The following MAN2C1 variants were observed in gnomAD, a reference collection of about 807,000 sequenced individuals.
The protein encoded by MAN2C1 is mannosidase alpha class 2C member 1.
MAN2C1 carries 111 observed loss-of-function variants against 126.9 expected under a neutral mutation model. The ratio of observed to expected loss-of-function variants is 0.87; its 90% confidence interval spans 0.75 to 1.02. The LOEUF is 1.02. Ranked by LOEUF, MAN2C1 falls within the 50% of genes least tolerant of loss-of-function variation. MAN2C1 has a pLI of 0.00. For missense variants in MAN2C1, 1,363 were observed against 1,364.4 expected (o/e 1.00, Z 0.02); for synonymous variants, 567 against 561.5 (o/e 1.01, Z -0.14).
At position 75,368,502 on chromosome 15, in the gene MAN2C1, C is replaced by T. The variant is rs1351070289; in HGVS notation, c.82G>A (p.Asp28Asn). The change falls in exon 1 of 26, where the codon GAC (aspartate) becomes AAC (asparagine). Residue 28 changes from aspartate (D) to asparagine (N), a missense_variant. Around this residue, in one of 3 missense-constraint regions of MAN2C1, gnomAD observed 628 missense variants for 609.8 expected, o/e 1.03. Transcript: ENST00000267978. ...CCACACCTGCCGCGGAGGTTACAGT[C>T]GGTAAAGTAGAGCGGCGACACGAAC... ...EKFVSPLYFT[D>N]CNLRGRLFGA... is the part of the protein sequence containing the mutation. 6.4e-7 allele frequency: 1 copy of T among 1,554,928 alleles called. No individual in the cohort carries two copies. Among genetic ancestry groups the T allele is most frequent in the Non-Finnish European group, 8.7e-7 (1 of 1,149,658 alleles).
At chr15:75,358,673 C>T (rs779484977) in intron 19 of MAN2C1, 31 bp downstream of exon 19, 7 of 1,612,144 alleles carry the variant, frequency 4.3e-6, no homozygotes, top group South Asian at 1.1e-5. Flanking sequence ...CCCACCACCT[C>T]CACCATCCCC....
At chr15:75,357,899 G>C (rs559660770) in intron 21 of MAN2C1, 7 of 335,520 alleles carry the variant, frequency 2.1e-5, no homozygotes, top group Non-Finnish European at 3.5e-5. Flanking sequence ...GATTACAGGC[G>C]TGAGTCACCA....
intron 21 of MAN2C1, chr15:75,357,855 G>T (rs1053354940): frequency 3.8e-6 from 1 of 262,908 alleles, no homozygotes; most frequent in Non-Finnish European, 7.6e-6. Context: ...TCTTGACCTC[G>T]TGATCCACCC....
chr15:75,364,539 C>G lies in MAN2C1; in HGVS notation c.549G>C (p.Arg183=). 1 of 1,607,776 alleles carries G rather than the reference C, an allele frequency of 6.2e-7. No homozygotes were observed. The highest frequency in any genetic ancestry group is 8.5e-7 in the Non-Finnish European group (1 of 1,177,036). ...GATCCACCAGGAGCATGTGGACATCCCGGTGGAACACAGCTAGCTCAGCCC... is the reference window on the plus strand; with the variant it reads ...GATCCACCAGGAGCATGTGGACATCGCGGTGGAACACAGCTAGCTCAGCCC... ...LSRAELAVFH[R]DVHMLLVDLE... Residue 183 remains arginine, a synonymous_variant, in exon 5 of 26, where the codon CGG becomes CGC. Coordinates refer to ENST00000267978, the MANE Select transcript of MAN2C1 (RefSeq NM_006715.4).
intron 4 of MAN2C1, 27 bp downstream of exon 4, chr15:75,366,495 C>T (rs200287169): frequency 8.7e-6 from 14 of 1,607,476 alleles, no homozygotes; most frequent in Non-Finnish European, 1.1e-5. Context: ...CCTGACAGCA[C>T]TGGTCAACCA....
rs777291187 is a variant in MAN2C1, at chr15:75,366,506, G to C, written c.422+16C>G. ...CCTCCCTGACAGCACTGGTCAACCA[G>C]GGCACAGGGACTCACCTTCGGGGGT... On this transcript the variant is annotated intron_variant, in intron 4 of 25. Coordinates refer to ENST00000267978, the MANE Select transcript of MAN2C1 (RefSeq NM_006715.4). The C allele has an allele frequency of 5.6e-6, 9 of 1,611,972 alleles. No individual in the cohort carries two copies. The East Asian group carries it at 1.1e-4, about 20-fold the overall frequency.
chr15:75,356,367 C>T lies in MAN2C1; in HGVS notation c.2820G>A (p.Ala940=), dbSNP rs766358641. The T allele has an allele frequency of 2.4e-5, 39 of 1,611,504 alleles. No individual in the cohort carries two copies. The highest frequency in any genetic ancestry group is 2.9e-5 in the Non-Finnish European group (34 of 1,179,182). The change falls in exon 24 of 26, where the codon GCG becomes GCA. Residue 940 remains alanine (A), a synonymous_variant. Transcript: ENST00000267978. The surrounding 1 kb of genome is among the most constrained non-coding windows in gnomAD (Gnocchi z 5.8). ...PLLALPAPSP[A]PATSWSAFSV... ...AAAACGCACTCCAGGAGGTGGCGGG[C>T]GCTGGGCTGGGGGCTGGCAGAGCCA...
Position 75,367,524 on chromosome 15 carries a change from C to G in MAN2C1, c.338G>C (p.Gly113Ala), listed in dbSNP as rs760743381. 1 of 1,614,064 alleles carries G rather than the reference C, an allele frequency of 6.2e-7. No individual in the cohort carries two copies. The highest frequency in any genetic ancestry group is 2.2e-5 in the East Asian group (1 of 44,882). The change falls in exon 3 of 26, where the codon GGA becomes GCA. Residue 113 changes from glycine (G) to alanine (A), a missense_variant. Physicochemically the swap from Gly to Ala is moderately conservative, Grantham distance 60 (BLOSUM62 0). Around this residue, in one of 3 missense-constraint regions of MAN2C1, gnomAD observed 628 missense variants for 609.8 expected, o/e 1.03. Transcript: ENST00000267978. Reference sequence around the variant, plus strand: ...AGGGTTCCTCACCTGGACAGGTTCTCCATCACGCCACACCAGACCTTCTCC... The same window carrying G: ...AGGGTTCCTCACCTGGACAGGTTCTGCATCACGCCACACCAGACCTTCTCC... ...SDGEGLVWRD[G>A]EPVQGLTKEG...
In MAN2C1 at chr15:75,358,612, A is replaced by G. The variant is rs930175220; in HGVS notation, c.2253T>C (p.Pro751=). 44 of 1,612,834 alleles carry G rather than the reference A, an allele frequency of 2.7e-5. No individual in the cohort carries two copies. The highest frequency in any genetic ancestry group is 3.5e-5 in the Non-Finnish European group (41 of 1,179,720). Residue 751 remains proline (P), a synonymous_variant, in exon 20 of 26, where the codon CCT becomes CCC. Coordinates refer to ENST00000267978, the MANE Select transcript of MAN2C1 (RefSeq NM_006715.4). ...CCAGGGTCCCTGCCTGGCCCAGCAC[A>G]GGCTTCCTATGGGACAGGGGTGGAC... is the stretch of plus-strand genomic sequence containing the variant. ...VMDYHLETRK[P]VLGQAGTLAV...
chr15:75,359,751 A>G lies in MAN2C1; in HGVS notation c.1817T>C (p.Leu606Pro). 5 of 1,613,982 alleles carry G rather than the reference A, an allele frequency of 3.1e-6. No individual in the cohort carries two copies. Among genetic ancestry groups the G allele is most frequent in the East Asian group, 2.2e-5 (1 of 44,892 alleles). Residue 606 changes from leucine to proline, a missense_variant, in exon 16 of 26, where the codon CTG becomes CCG. Coordinates refer to ENST00000267978, the MANE Select transcript of MAN2C1 (RefSeq NM_006715.4). ...CAGGGCTGCGGCTGCAGCGCTGAGC[A>G]GTGTATTGCCATGGGAACGGATGTC... ...YEDIRSHGNT[L>P]LSAAAAALCA... is the part of the protein sequence containing the mutation.
rs773801306 is a variant in MAN2C1 at position 75,355,985 on chromosome 15, C to T, written c.3044G>A (p.Arg1015Gln). 11 of 1,613,908 alleles carry T rather than the reference C, an allele frequency of 6.8e-6. No homozygotes were observed. Among genetic ancestry groups the T allele is most frequent in the East Asian group, 4.5e-5 (2 of 44,878 alleles). Reference protein sequence around the residue: ...RPDPAGHLTLRDNRLKLTFSP... With the variant: ...RPDPAGHLTLQDNRLKLTFSP... The stretch of plus-strand genomic sequence containing the variant: ...AAAGGTGAGCTTCAGGCGGTTGTCC[C>T]GAAGGGTCAAGTGGCCAGCAGGGTC... The change falls in exon 26 of 26, where the codon CGG becomes CAG. Residue 1015 changes from arginine to glutamine, a missense_variant. Coordinates refer to ENST00000267978, the MANE Select transcript of MAN2C1 (RefSeq NM_006715.4).
intron 12 of MAN2C1, 125 bp downstream of exon 12, chr15:75,360,921 C>G: frequency 2.3e-6 from 3 of 1,322,426 alleles, no homozygotes; most frequent in Non-Finnish European, 3.0e-6. Context: ...TTTGGAGGAA[C>G]CCGTGGTCTA....
intron 5 of MAN2C1, 117 bp from the exon 6 acceptor site, chr15:75,364,305 G>A: frequency 3.9e-6 from 5 of 1,294,204 alleles, no homozygotes; most frequent in Non-Finnish European, 5.2e-6. Context: ...TTTCCCTGCT[G>A]GTCCCCCTGC....
chr15:75,359,512 T>C, intron 16 of MAN2C1, 87 bp from the exon 17 acceptor site: 1 of 1,558,020 alleles, frequency 6.4e-7, no homozygotes, highest in South Asian at 1.1e-5. Context: ...GAAGATGTGC[T>C]ACTACTCTCC....
At chr15:75,368,047 C>T (rs1484838575) in intron 2 of MAN2C1, 26 bp downstream of exon 2, 2 of 1,590,844 alleles carry the variant, frequency 1.3e-6, no homozygotes, top group Non-Finnish European at 1.7e-6. Context: ...GCCTGTGGCC[C>T]CGCCCACCCG....
At position 75,368,388 on chromosome 15, in the gene MAN2C1, G is replaced by A. The variant is rs927444868; in HGVS notation, c.101+95C>T. The A allele has an allele frequency of 3.5e-6, 5 of 1,429,502 alleles. No individual in the cohort carries two copies. The African/African-American group carries it at 5.7e-5, about 16-fold the overall frequency. 88.6% of individuals were successfully genotyped at this position (1,429,502 alleles called of 1,614,324 possible). On this transcript the variant is annotated intron_variant, in intron 1 of 25. Coordinates refer to ENST00000267978, the MANE Select transcript of MAN2C1 (RefSeq NM_006715.4). ...CTGCCCGCGGCGGGCACTTTGTCCC[G>A]CGGCCCGGGTGGCTGCAGCTTAGGT... is the stretch of plus-strand genomic sequence containing the variant.
chr15:75,367,690 TC>T, intron 2 of MAN2C1, 56 bp from the exon 3 acceptor site: 5 of 1,600,462 alleles, frequency 3.1e-6, no homozygotes, highest in Non-Finnish European at 4.3e-6. Flanking sequence ...CTGATATCCT[TC>T]CTTGGATAAA....
rs149997575 is a variant in MAN2C1, at chr15:75,358,681, C to CCCACATGCTGCCCAGCCCATA, written c.2246+22_2246+23insTATGGGCTGGGCAGCATGTGG. On this transcript the variant is annotated intron_variant, in intron 19 of 25. Coordinates refer to ENST00000267978, the MANE Select transcript of MAN2C1 (RefSeq NM_006715.4). ...CTGTGTTCCCACCACCTCCACCATCCCCACATGCTGCCCAGCCTATACCGT... is the reference window on the plus strand; with the variant it reads ...CTGTGTTCCCACCACCTCCACCATCCCCACATGCTGCCCAGCCCATACCACATGCTGCCCAGCCTATACCGT... The CCCACATGCTGCCCAGCCCATA allele has an allele frequency of 0.72, 1,152,845 of 1,601,680 alleles. 419,913 individuals carry two copies. Among genetic ancestry groups the CCCACATGCTGCCCAGCCCATA allele is most frequent in the Non-Finnish European group, 0.75 (872,466 of 1,169,926 alleles).
Position 75,361,217 on chromosome 15 carries a change from T to C in MAN2C1, c.1315-26A>G, listed in dbSNP as rs772065836. 4 of 1,605,558 alleles carry C rather than the reference T, an allele frequency of 2.5e-6. No homozygotes were observed. Among genetic ancestry groups the C allele is most frequent in the Non-Finnish European group, 3.4e-6 (4 of 1,176,854 alleles). On this transcript the variant is annotated intron_variant, in intron 11 of 25. Transcript: ENST00000267978. This position sits in a 1 kb window ranked among gnomAD's most constrained non-coding sequence, Gnocchi z 5.0. Reference sequence around the variant, plus strand: ...CTAGACAGGTGAGGGCAGGCCAGCATGGATCAGCCTGGAACAAGCCAGCCC... The same window carrying C: ...CTAGACAGGTGAGGGCAGGCCAGCACGGATCAGCCTGGAACAAGCCAGCCC...
Sources: allele counts gnomAD v4.1 joint callset, GRCh38; gene constraint gnomAD v4.1.1; regional missense constraint gnomAD v4.1.1; non-coding constraint Gnocchi (gnomAD v3.1); transcripts MANE v1.5; gene names NCBI Gene and HGNC (gene_info 2026-07-23, HGNC 2026-07-21).